Variants in UNC13C observed in about 807,000 individuals in gnomAD.
UNC13C encodes the protein protein unc-13 homolog C.
Under a neutral mutation model 245.4 loss-of-function variants are expected in UNC13C, and 174 were observed. The observed-to-expected ratio is 0.71, with a 90% CI of 0.63 to 0.80. The LOEUF is 0.80. Ranked by LOEUF, UNC13C falls within the 30% of genes least tolerant of loss-of-function variation. UNC13C has a pLI of 0.00. For missense variants in UNC13C, 2,829 were observed against 2,602.9 expected (o/e 1.09, Z -1.89); for synonymous variants, 992 against 895.1 (o/e 1.11, Z -1.93).
rs1894515129 is a variant in UNC13C at position 54,507,255 on chromosome 15, A to G, written c.5379+61A>G. ...CAGTTGAGATTTACTTCTTCAAAGT[A>G]TGAGTAAGCAAGATAAATTGTTGAC... On this transcript the variant is annotated intron_variant, in intron 23 of 32. Coordinates refer to ENST00000260323, the MANE Select transcript of UNC13C (RefSeq NM_001080534.3). The G allele has an allele frequency of 2.8e-6, 3 of 1,078,962 alleles. No homozygotes were observed. In the East Asian group the frequency reaches 7.7e-5, roughly 28 times the overall value. 66.8% of individuals were successfully genotyped at this position (1,078,962 alleles called of 1,614,324 possible).
At chr15:54,508,630 T>C (rs1567337411) in intron 23 of UNC13C, among the ~76,000 whole-genome samples, 1 of 152,172 alleles carries the variant, frequency 6.6e-6, no homozygotes, top group Non-Finnish European at 1.5e-5. Context: ...TTATACACTG[T>C]TGCTTAAATG....
chr15:54,623,991 A>C (rs1488481729), intron 32 of UNC13C, 37 bp downstream of exon 32: 120 of 1,611,032 alleles, frequency 7.4e-5, no homozygotes, highest in Non-Finnish European at 1.0e-4. Flanking sequence ...TCTACCAGGC[A>C]ATAGTTACTG....
intron 8 of UNC13C, 146 bp downstream of exon 8, chr15:54,250,590 C>T: frequency 1.4e-6 from 1 of 702,032 alleles, no homozygotes; most frequent in Non-Finnish European, 2.3e-6. Context: ...CACATACTGT[C>T]CATCAAATCA....
At chr15:54,114,806 C>T (rs1449829820) in intron 2 of UNC13C, among the ~76,000 whole-genome samples, 1 of 152,082 alleles carries the variant, frequency 6.6e-6, no homozygotes. Flanking sequence ...TTATTGGCAG[C>T]ATTACATGAA....
At chr15:54,168,992 C>G (rs1386069313) in intron 4 of UNC13C, among the ~76,000 whole-genome samples, 1 of 152,146 alleles carries the variant, frequency 6.6e-6, no homozygotes, top group African/African-American at 2.4e-5. Context: ...ACCTATCAAC[C>G]TAATGTTAAC....
At position 54,567,858 on chromosome 15, in the gene UNC13C, A is replaced by G. The variant is rs1463552908; in HGVS notation, c.6017A>G (p.Asp2006Gly). 1.9e-6 allele frequency: 3 copies of G among 1,604,300 alleles called. No homozygotes were observed. In the East Asian group the frequency reaches 6.7e-5, roughly 36 times the overall value. ...AAGAATTTCTTGGAGAAAAGCCCAG[A>G]TCTTCAGTCTCTGAGATATGCTCTC... ...LKKNFLEKSP[D>G]LQSLRYALSL... The change falls in exon 30 of 33, where the codon GAT becomes GGT. Residue 2006 changes from aspartate to glycine, a missense_variant. Physicochemically the swap from Asp to Gly is moderately conservative, Grantham distance 94. Transcript: ENST00000260323.
At chr15:53,894,062 C>T in the UNC13C span, among the ~76,000 whole-genome samples, 7 of 152,310 alleles carry the variant, frequency 4.6e-5, no homozygotes, top group East Asian at 9.7e-4. Flanking sequence ...TCCTCAGGCT[C>T]CTTCCCCCAC....
chr15:53,845,937 A>G, the UNC13C span, among the ~76,000 whole-genome samples: 1 of 152,094 alleles, frequency 6.6e-6, no homozygotes, highest in Non-Finnish European at 1.5e-5. Flanking sequence ...TTACAATGCT[A>G]CAAAAGCCTT....
intron 30 of UNC13C, among the ~76,000 whole-genome samples, chr15:54,581,345 AC>A (rs1210032369): frequency 1.3e-5 from 2 of 152,216 alleles, no homozygotes; most frequent in African/African-American, 4.8e-5. Flanking sequence ...CCTCAGGATT[AC>A]CTGCTCAGGC....
At chr15:54,076,752 T>A (rs889793050) in intron 2 of UNC13C, among the ~76,000 whole-genome samples, 1 of 152,130 alleles carries the variant, frequency 6.6e-6, no homozygotes, top group Non-Finnish European at 1.5e-5. Context: ...TTCATTTCCA[T>A]GTTCGGTTTT....
chr15:54,152,990 A>C (rs2032587749), intron 4 of UNC13C, among the ~76,000 whole-genome samples: 1 of 152,198 alleles, frequency 6.6e-6, no homozygotes, highest in Non-Finnish European at 1.5e-5. Context: ...TCCCTCTTAC[A>C]GACAGACTAT....
intron 19 of UNC13C, among the ~76,000 whole-genome samples, chr15:54,437,126 G>A (rs1376773424): frequency 6.6e-6 from 1 of 151,826 alleles, no homozygotes; most frequent in African/African-American, 2.4e-5. Context: ...TTTCCCCATT[G>A]TAAAATCAGT....
At chr15:54,553,445 TATA>T (rs1896956004) in intron 28 of UNC13C, among the ~76,000 whole-genome samples, 1 of 135,472 alleles carries the variant, frequency 7.4e-6, no homozygotes, top group Non-Finnish European at 1.5e-5. Flanking sequence ...ATAATATAAT[TATA>T]ATATATAATA....
intron 2 of UNC13C, among the ~76,000 whole-genome samples, chr15:54,072,226 T>A (rs564433097): frequency 6.6e-6 from 1 of 152,232 alleles, no homozygotes; most frequent in South Asian, 2.1e-4. Flanking sequence ...GATAATGCAG[T>A]TTGTAATTTC....
rs1268220168 is a variant in UNC13C at position 54,265,582 on chromosome 15, C to A, written c.3818+86C>A. On this transcript the variant is annotated intron_variant, in intron 10 of 32. Coordinates refer to ENST00000260323, the MANE Select transcript of UNC13C (RefSeq NM_001080534.3). ...GGCATACAAAGGATGCAATAATTAT[C>A]TCATTTTTTAATAATCTCTTACCCA... 5.6e-6 allele frequency: 6 copies of A among 1,062,334 alleles called. No individual in the cohort carries two copies. In the African/African-American group the frequency reaches 9.7e-5, roughly 17 times the overall value. 65.8% of individuals were successfully genotyped at this position (1,062,334 alleles called of 1,614,324 possible). A position where few individuals can be genotyped will look rare whatever the true frequency, so the allele number is the denominator to read the frequency against.
At chr15:54,305,838 T>G (rs113012015) in intron 13 of UNC13C, among the ~76,000 whole-genome samples, 187 of 152,196 alleles carry the variant, frequency 1.2e-3, no homozygotes, top group African/African-American at 4.2e-3. Flanking sequence ...TCCTAGACAC[T>G]ATTTGATCAA....
chr15:54,160,150 A>G (rs1486213463), intron 4 of UNC13C, among the ~76,000 whole-genome samples: 2 of 152,086 alleles, frequency 1.3e-5, no homozygotes, highest in Admixed American at 1.3e-4. Flanking sequence ...GTCAGAATAA[A>G]TAATGATGCT....
intron 30 of UNC13C, among the ~76,000 whole-genome samples, chr15:54,616,502 ATGATGT>A (rs1296743728): frequency 6.6e-6 from 1 of 152,068 alleles, no homozygotes; most frequent in African/African-American, 2.4e-5. Context: ...ATTTTAAAAA[ATGATGT>A]TGAGGATTCT....
At chr15:54,520,503 C>T (rs537066771) in intron 24 of UNC13C, among the ~76,000 whole-genome samples, 4 of 151,926 alleles carry the variant, frequency 2.6e-5, no homozygotes, top group Non-Finnish European at 5.9e-5. Flanking sequence ...GATTTGGGGC[C>T]CTTAGCATAT....
Sources: allele counts gnomAD v4.1 joint callset (sites outside exome capture counted in the v4.1 genomes callset), GRCh38; gene constraint gnomAD v4.1.1; transcripts MANE v1.5; gene names NCBI Gene and HGNC (gene_info 2026-07-23, HGNC 2026-07-21).